Variants in ZFC3H1 observed in about 807,000 individuals in gnomAD.
The protein encoded by ZFC3H1 is zinc finger C3H1 domain-containing protein.
Under a neutral mutation model 243.7 loss-of-function variants are expected in ZFC3H1, and 71 were observed. The observed-to-expected ratio is 0.29, with a 90% CI of 0.24 to 0.36. The LOEUF (loss-of-function observed/expected upper bound fraction) is 0.36. Among genes scored for constraint, ZFC3H1 ranks in the 10% least tolerant of loss-of-function variants. The pLI is 1.00. For missense variants in ZFC3H1, 1,966 were observed against 2,317.1 expected (o/e 0.85, Z 3.11); for synonymous variants, 838 against 813.0 (o/e 1.03, Z -0.52).
intron 1 of ZFC3H1, among the ~76,000 whole-genome samples, chr12:71,657,579 A>G (rs1360902635): frequency 1.3e-5 from 2 of 152,204 alleles, no homozygotes; most frequent in Non-Finnish European, 2.9e-5. Context: ...CCACCTAGTT[A>G]GGTTATAGCA....
In ZFC3H1 at chr12:71,611,102, GAGA is replaced by G; in HGVS notation, c.5730-8_5730-6del. ...ACAATCTCAGCAGCAATGGCTCTAAGAGAAAAAAAAAAAAAAAGAAATATAGAA... is the reference window on the plus strand; with the variant it reads ...ACAATCTCAGCAGCAATGGCTCTAAGAAAAAAAAAAAAAAGAAATATAGAA... On this transcript the variant is annotated splice_polypyrimidine_tract_variant and splice_region_variant and intron_variant, in intron 32 of 34. Coordinates refer to ENST00000378743, the MANE Select transcript of ZFC3H1 (RefSeq NM_144982.5). 1 of 1,111,548 alleles carries G rather than the reference GAGA, an allele frequency of 9.0e-7. No homozygotes were observed. Among genetic ancestry groups the G allele is most frequent in the Non-Finnish European group, 1.2e-6 (1 of 852,748 alleles). 68.9% of individuals were successfully genotyped at this position (1,111,548 alleles called of 1,614,324 possible).
chr12:71,629,589 A>G lies in ZFC3H1; in HGVS notation c.3826+20T>C. The stretch of plus-strand genomic sequence containing the variant: ...CACACACACACACACACACACACAC[A>G]CACTTATATATGTACTTACTATGAC... On this transcript the variant is annotated intron_variant, in intron 19 of 34. Coordinates refer to ENST00000378743, the MANE Select transcript of ZFC3H1 (RefSeq NM_144982.5). The G allele has an allele frequency of 1.3e-6, 2 of 1,483,632 alleles. No individual in the cohort carries two copies. The highest frequency in any genetic ancestry group is 1.9e-6 in the Non-Finnish European group (2 of 1,065,956). The allele number at this position is 1,483,632 out of a possible 1,614,324, so 91.9% of individuals were successfully genotyped here.
intron 12 of ZFC3H1, 51 bp downstream of exon 12, chr12:71,634,103 TG>T (rs1316293325): frequency 1.9e-6 from 3 of 1,546,978 alleles, no homozygotes; most frequent in Non-Finnish European, 2.6e-6. Context: ...ACCACAAAAA[TG>T]TATTTCTCTA....
chr12:71,657,429 A>G (rs1417640323), intron 1 of ZFC3H1, 128 bp from the exon 2 acceptor site: 5 of 770,756 alleles, frequency 6.5e-6, no homozygotes, highest in Admixed American at 6.9e-5. Context: ...ATATTTTTAA[A>G]TTACTAAATT....
intron 1 of ZFC3H1, among the ~76,000 whole-genome samples, chr12:71,658,733 TA>T (rs1448274229): frequency 1.3e-5 from 2 of 152,318 alleles, no homozygotes; most frequent in African/African-American, 4.8e-5. Context: ...TACCATCATC[TA>T]AGAAACAAAA....
At chr12:71,658,067 T>C (rs1363116026) in intron 1 of ZFC3H1, among the ~76,000 whole-genome samples, 1 of 152,120 alleles carries the variant, frequency 6.6e-6, no homozygotes, top group Non-Finnish European at 1.5e-5. Flanking sequence ...GGGAAAATGT[T>C]ATGAAAATAA....
chr12:71,618,284 A>C (rs555847166), intron 27 of ZFC3H1, among the ~76,000 whole-genome samples: 4 of 150,400 alleles, frequency 2.7e-5, no homozygotes, highest in Middle Eastern at 3.4e-3. Flanking sequence ...AAATTAAAAA[A>C]AAAAAACAAA....
chr12:71,628,463 C>T lies in ZFC3H1; in HGVS notation c.3946+455G>A, dbSNP rs1049490408. On this transcript the variant is annotated intron_variant, in intron 20 of 34. Transcript: ENST00000378743. ...GTAAAATGTGCCTAACATACAGGCA[C>T]TCATTCATACATTATTTTGTTCATT... Among the ~76,000 whole-genome samples, 3 of 152,192 alleles carry T rather than the reference C, an allele frequency of 2.0e-5. No homozygotes were observed. In the East Asian group the frequency reaches 5.8e-4, roughly 29 times the overall value.
At chr12:71,648,585 A>G (rs531423698) in intron 2 of ZFC3H1, among the ~76,000 whole-genome samples, 1 of 152,332 alleles carries the variant, frequency 6.6e-6, no homozygotes, top group African/African-American at 2.4e-5. Context: ...TGTTTTTACC[A>G]TAACACCACA....
rs556938688 is a variant in ZFC3H1 at position 71,634,811 on chromosome 12, C to T, written c.2253G>A (p.Pro751=). The stretch of plus-strand genomic sequence containing the variant: ...CTTTTTCAGATTTTGGAGGTACTTT[C>T]GGTTTTGAAGCTTGCTAAAAAAAAA... The part of the protein sequence containing the change: ...ARRTAEQASK[P]KVPPKSEKEN... The change falls in exon 11 of 35, where the codon CCG becomes CCA. Residue 751 remains proline (P), a synonymous_variant. Coordinates refer to ENST00000378743, the MANE Select transcript of ZFC3H1 (RefSeq NM_144982.5). The T allele has an allele frequency of 8.9e-5, 141 of 1,577,584 alleles. No homozygotes were observed. The highest frequency in any genetic ancestry group is 1.1e-4 in the Non-Finnish European group (128 of 1,166,656).
At chr12:71,643,997 A>T (rs1315753459) in intron 5 of ZFC3H1, 98 bp downstream of exon 5, 4 of 1,078,282 alleles carry the variant, frequency 3.7e-6, no homozygotes, top group Middle Eastern at 2.9e-4. Context: ...TCCAAGAGTT[A>T]TTTATAAAAT....
Position 71,633,016 on chromosome 12 carries a change from ATCTG to A in ZFC3H1, c.2686-3_2686del. 1 of 1,594,360 alleles carries A rather than the reference ATCTG, an allele frequency of 6.3e-7. No homozygotes were observed. Among genetic ancestry groups the A allele is most frequent in the Admixed American group, 1.9e-5 (1 of 53,590 alleles). ...TGTAACACGCTGTTGAACTCTGTGA[ATCTG>A]AAAAATATAGAATAATCCTGAAAAT... is the stretch of plus-strand genomic sequence containing the variant. On this transcript the variant is annotated splice_acceptor_variant and splice_polypyrimidine_tract_variant and coding_sequence_variant and intron_variant, in exon 14 of 35. Transcript: ENST00000378743. LOFTEE classifies it high-confidence loss of function.
intron 5 of ZFC3H1, 57 bp from the exon 6 acceptor site, chr12:71,642,616 A>G (rs1289897613): frequency 1.3e-6 from 2 of 1,546,366 alleles, no homozygotes; most frequent in African/African-American, 2.7e-5. Flanking sequence ...GTTACAAATC[A>G]CAAAAGAACT....
In ZFC3H1 at chr12:71,642,511, T is replaced by C. The variant is rs776721851; in HGVS notation, c.1552A>G (p.Ser518Gly). The change falls in exon 6 of 35, where the codon AGT becomes GGT. Residue 518 changes from serine (S) to glycine (G), a missense_variant. Transcript: ENST00000378743. ...TCATACTGATAAATGCCTCCTCCACTATCAGTAGGTTGCTTATCTAAGGAT... is the reference window on the plus strand; with the variant it reads ...TCATACTGATAAATGCCTCCTCCACCATCAGTAGGTTGCTTATCTAAGGAT... ...RRSLDKQPTDSGGGIYQYDNY... is the reference protein window; with the variant it reads ...RRSLDKQPTDGGGGIYQYDNY... 1 of 1,613,594 alleles carries C rather than the reference T, an allele frequency of 6.2e-7. No individual in the cohort carries two copies. The highest frequency in any genetic ancestry group is 1.1e-5 in the South Asian group (1 of 90,908).
chr12:71,652,475 T>C (rs1880913901), intron 2 of ZFC3H1, among the ~76,000 whole-genome samples: 1 of 152,206 alleles, frequency 6.6e-6, no homozygotes, highest in Admixed American at 6.5e-5. Flanking sequence ...TGCACACATA[T>C]TTGATTAATC....
Position 71,663,785 on chromosome 12 carries a change from G to T in ZFC3H1, c.-175C>A. On this transcript the variant is annotated 5_prime_UTR_variant, in exon 1 of 35. Transcript: ENST00000378743. ...CACCCCAGCACCCCAGCTCTCTCTCGCCGGACCGTCGCAACCCAGTTCCCT... is the reference window on the plus strand; with the variant it reads ...CACCCCAGCACCCCAGCTCTCTCTCTCCGGACCGTCGCAACCCAGTTCCCT... 1.4e-6 allele frequency: 1 copy of T among 718,276 alleles called. No individual in the cohort carries two copies. The highest frequency in any genetic ancestry group is 2.3e-6 in the Non-Finnish European group (1 of 443,336). 44.5% of individuals were successfully genotyped at this position (718,276 alleles called of 1,614,324 possible).
intron 31 of ZFC3H1, among the ~76,000 whole-genome samples, chr12:71,612,137 A>G (rs1194711086): frequency 1.3e-5 from 2 of 152,142 alleles, no homozygotes; most frequent in Non-Finnish European, 2.9e-5. Flanking sequence ...TCTATAGGAC[A>G]TGAAAGCATT....
intron 22 of ZFC3H1, among the ~76,000 whole-genome samples, chr12:71,624,763 T>C (rs1308241539): frequency 7.9e-5 from 12 of 152,138 alleles, no homozygotes; most frequent in Non-Finnish European, 1.8e-4. Context: ...TCACGTGAGT[T>C]TGAGACCAGC....
At chr12:71,625,206 C>T (rs188390876) in intron 22 of ZFC3H1, among the ~76,000 whole-genome samples, 21 of 152,180 alleles carry the variant, frequency 1.4e-4, no homozygotes, top group Admixed American at 8.5e-4. Flanking sequence ...GTTTATTAAG[C>T]GGTATCATGT....
Sources: gnomAD v4.1 joint callset for allele counts (sites outside exome capture counted in the v4.1 genomes callset) on GRCh38, gnomAD v4.1.1 for gene constraint, MANE v1.5 for transcripts, NCBI Gene and HGNC (gene_info 2026-07-23, HGNC 2026-07-21) for gene names.